The following C8orf34 variants were observed in gnomAD, a reference collection of about 807,000 sequenced individuals.
The protein encoded by C8orf34 is chromosome 8 open reading frame 34, also known as uncharacterized protein C8orf34.
A neutral mutation model predicts 68.3 loss-of-function variants in C8orf34; 65 were observed. The ratio of observed to expected loss-of-function variants is 0.95; its 90% confidence interval spans 0.78 to 1.17. The LOEUF is 1.17. Among genes scored for constraint, C8orf34 ranks in the 50% most tolerant of loss-of-function variants. The probability of loss-of-function intolerance (pLI) is 0.00; values close to 1 mark genes in which losing one functional copy is unlikely to be tolerated. For synonymous variants in C8orf34, 244 were observed against 241.2 expected (o/e 1.01, Z -0.11); for missense variants, 664 against 655.4 (o/e 1.01, Z -0.14).
At chr8:68,617,038 T>A (rs1276977648) in intron 7 of C8orf34, among the ~76,000 whole-genome samples, 3 of 152,220 alleles carry the variant, frequency 2.0e-5, no homozygotes, top group African/African-American at 7.2e-5. Context: ...TTTACCATTA[T>A]GTAATGGCCT....
At chr8:68,815,861 T>C (rs372835445) in intron 12 of C8orf34, 25 bp from the exon 13 acceptor site, 3 of 1,613,550 alleles carry the variant, frequency 1.9e-6, no homozygotes, top group African/African-American at 2.7e-5. Flanking sequence ...CCTGGCATAT[T>C]ATCTCTGTTT....
At chr8:68,667,305 A>G (rs1001197400) in intron 8 of C8orf34, among the ~76,000 whole-genome samples, 5 of 152,194 alleles carry the variant, frequency 3.3e-5, no homozygotes. Context: ...AATGAATCAA[A>G]TCAAACAAGA....
chr8:68,666,924 CT>C (rs1319992317), intron 8 of C8orf34, among the ~76,000 whole-genome samples: 1 of 152,078 alleles, frequency 6.6e-6, no homozygotes, highest in South Asian at 2.1e-4. Context: ...AAAAATGCAT[CT>C]TTTTTATGAA....
chr8:68,682,548 CT>C (rs139011065), intron 8 of C8orf34, among the ~76,000 whole-genome samples: 9,969 of 152,084 alleles, frequency 0.066, 347 homozygotes, highest in Middle Eastern at 0.12. Flanking sequence ...CAGAATTCTC[CT>C]GTGTCTACAA....
chr8:68,586,413 TATCTTTA>T (rs763902561), intron 7 of C8orf34, among the ~76,000 whole-genome samples: 26 of 152,192 alleles, frequency 1.7e-4, no homozygotes, highest in Middle Eastern at 3.2e-3. Flanking sequence ...TTATTAGTAT[TATCTTTA>T]ATCTGTAGCT....
intron 1 of C8orf34, among the ~76,000 whole-genome samples, chr8:68,398,013 C>T (rs999123259): frequency 1.3e-5 from 2 of 152,160 alleles, no homozygotes; most frequent in African/African-American, 4.8e-5. Flanking sequence ...AAGAGATCCA[C>T]CTGCCTTGGG....
chr8:68,487,595 A>G (rs1435753084), intron 4 of C8orf34, among the ~76,000 whole-genome samples: 1 of 152,236 alleles, frequency 6.6e-6, no homozygotes, highest in Non-Finnish European at 1.5e-5. Context: ...AGACATTAGA[A>G]TAAGTCATCT....
intron 1 of C8orf34, among the ~76,000 whole-genome samples, chr8:68,334,265 G>A (rs1196528703): frequency 2.0e-5 from 3 of 152,016 alleles, no homozygotes; most frequent in African/African-American, 7.2e-5. Flanking sequence ...CATTGAAGAT[G>A]TTTTGGAGCA....
intron 12 of C8orf34, among the ~76,000 whole-genome samples, chr8:68,793,224 T>C (rs191232643): frequency 2.6e-5 from 4 of 152,210 alleles, no homozygotes; most frequent in African/African-American, 9.6e-5. Context: ...ATAGATTGTA[T>C]AAAAATAGTA....
At chr8:68,506,309 C>T (rs1489073889) in intron 5 of C8orf34, among the ~76,000 whole-genome samples, 1 of 152,212 alleles carries the variant, frequency 6.6e-6, no homozygotes, top group African/African-American at 2.4e-5. Flanking sequence ...TCCTGGCCAA[C>T]ATTATCTGTT....
At chr8:68,521,679 G>A (rs1265766830) in intron 5 of C8orf34, 120 bp from the exon 6 acceptor site, 1 of 815,372 alleles carries the variant, frequency 1.2e-6, no homozygotes, top group Non-Finnish European at 1.9e-6. Flanking sequence ...CTGAAGTTTT[G>A]TATCAATTCA....
chr8:68,534,747 G>A (rs1212496193), intron 7 of C8orf34: 2 of 985,132 alleles, frequency 2.0e-6, no homozygotes, highest in African/African-American at 1.7e-5. Context: ...ACAGGGAAGG[G>A]GCAACTGAGA....
chr8:68,800,566 G>T (rs1027578745), intron 12 of C8orf34, among the ~76,000 whole-genome samples: 3 of 152,102 alleles, frequency 2.0e-5, no homozygotes, highest in Non-Finnish European at 4.4e-5. Flanking sequence ...TGTAAAACTT[G>T]ATTAATTTTC....
intron 12 of C8orf34, among the ~76,000 whole-genome samples, chr8:68,803,766 C>T (rs1224137922): frequency 6.6e-6 from 1 of 152,050 alleles, no homozygotes; most frequent in Admixed American, 6.6e-5. Context: ...GATTGAGCTT[C>T]AGGGCTGTCA....
intron 10 of C8orf34, among the ~76,000 whole-genome samples, chr8:68,751,043 G>A (rs1478879408): frequency 1.3e-5 from 2 of 152,060 alleles, no homozygotes; most frequent in African/African-American, 2.4e-5. Context: ...TATTCTAGCT[G>A]GAAGGCACCG....
intron 4 of C8orf34, among the ~76,000 whole-genome samples, chr8:68,481,427 G>A (rs1176304913): frequency 6.6e-6 from 1 of 152,230 alleles, no homozygotes; most frequent in Admixed American, 6.5e-5. Context: ...GCACCACCTA[G>A]TGGAGCTGTG....
intron 8 of C8orf34, among the ~76,000 whole-genome samples, chr8:68,651,796 G>C (rs1819367444): frequency 1.3e-5 from 2 of 152,102 alleles, no homozygotes; most frequent in East Asian, 1.9e-4. Flanking sequence ...TTACCTATTG[G>C]GTACAATAGT....
At chr8:68,551,571 G>A (rs1816072542) in intron 7 of C8orf34, among the ~76,000 whole-genome samples, 2 of 151,886 alleles carry the variant, frequency 1.3e-5, no homozygotes, top group Non-Finnish European at 2.9e-5. Context: ...TTTGTTTGGG[G>A]CTTTTTTGTG....
chr8:68,818,431 T>TTTGCCAGGATTA lies in C8orf34; in HGVS notation c.*185_*186insTTGCCAGGATTA. ...GTATGTAATCAGAGAACACTAATCC[T>TTTGCCAGGATTA]GGCAAAGGATTGTGGGGTGGTCAGG... On this transcript the variant is annotated 3_prime_UTR_variant, in exon 14 of 14. Transcript: ENST00000518698. 1.6e-6 allele frequency: 1 copy of TTTGCCAGGATTA among 624,108 alleles called. No individual in the cohort carries two copies. The highest frequency in any genetic ancestry group is 2.8e-6 in the Non-Finnish European group (1 of 360,336). The allele number at this position is 624,108 out of a possible 1,614,324, so 38.7% of individuals were successfully genotyped here.
Sources: allele counts gnomAD v4.1 joint callset (sites outside exome capture counted in the v4.1 genomes callset), GRCh38; gene constraint gnomAD v4.1.1; transcripts MANE v1.5; gene names NCBI Gene and HGNC (gene_info 2026-07-23, HGNC 2026-07-21).